Variants in ADISSP observed in about 807,000 individuals in gnomAD.
The protein encoded by ADISSP is adipose secreted signaling protein.
the ADISSP span, among the ~76,000 whole-genome samples, chr20:3,763,439 T>TC: frequency 7.9e-3 from 1,026 of 129,672 alleles, 5 homozygotes; most frequent in Middle Eastern, 0.057. Flanking sequence ...ATGCCTGTAA[T>TC]CCAGCTACTC....
the ADISSP span, among the ~76,000 whole-genome samples, chr20:3,755,085 C>T: frequency 6.6e-6 from 1 of 152,286 alleles, no homozygotes; most frequent in Non-Finnish European, 1.5e-5. Flanking sequence ...GCCTGAAACC[C>T]AAGGTCTGGG....
chr20:3,755,274 G>T, the ADISSP span, among the ~76,000 whole-genome samples: 2 of 152,160 alleles, frequency 1.3e-5, no homozygotes, highest in Non-Finnish European at 2.9e-5. Flanking sequence ...GGAAGTATGA[G>T]CTCATGGACT....
the ADISSP span, chr20:3,754,181 G>A: frequency 6.3e-7 from 1 of 1,593,350 alleles, no homozygotes; most frequent in Admixed American, 1.7e-5. Context: ...GTGCAAGTCA[G>A]TGCCATGCTG....
the ADISSP span, chr20:3,767,770 C>G: frequency 1.3e-5 from 2 of 152,184 alleles, no homozygotes; most frequent in South Asian, 2.1e-4. Flanking sequence ...GCGCCGCGGC[C>G]GCCCTCCCGT....
At chr20:3,755,529 G>A in the ADISSP span, 159 of 1,613,172 alleles carry the variant, frequency 9.9e-5, no homozygotes, top group Non-Finnish European at 1.3e-4. Flanking sequence ...GGTGCCTCGC[G>A]GACATCCTTG....
the ADISSP span, among the ~76,000 whole-genome samples, chr20:3,756,705 G>A: frequency 6.6e-6 from 1 of 152,174 alleles, no homozygotes; most frequent in Non-Finnish European, 1.5e-5. Context: ...GTGACCCTGT[G>A]ACCCAGGGGT....
chr20:3,759,492 T>A, the ADISSP span, among the ~76,000 whole-genome samples: 1 of 151,850 alleles, frequency 6.6e-6, no homozygotes, highest in African/African-American at 2.4e-5. This position sits in a 1 kb window ranked among gnomAD's most constrained non-coding sequence, Gnocchi z 4.6. Context: ...ACGGCCCTAG[T>A]CCTCTCTGAC....
chr20:3,767,775 TC>T, the ADISSP span: 1 of 152,284 alleles, frequency 6.6e-6, no homozygotes, highest in Non-Finnish European at 1.5e-5. Context: ...GCGGCCGCCC[TC>T]CCGTCGGCAC....
chr20:3,757,641 G>C, the ADISSP span, among the ~76,000 whole-genome samples: 1 of 151,884 alleles, frequency 6.6e-6, no homozygotes, highest in Non-Finnish European at 1.5e-5. Flanking sequence ...TTTTTTGTTT[G>C]TTTGTTTGAG....
chr20:3,766,357 T>C, the ADISSP span, among the ~76,000 whole-genome samples: 1 of 152,128 alleles, frequency 6.6e-6, no homozygotes, highest in East Asian at 1.9e-4. Context: ...TCAACTCAGC[T>C]TTAATGTGAT....
chr20:3,759,653 C>G, the ADISSP span, among the ~76,000 whole-genome samples: 2 of 152,072 alleles, frequency 1.3e-5, no homozygotes, highest in African/African-American at 4.8e-5. This position sits in a 1 kb window ranked among gnomAD's most constrained non-coding sequence, Gnocchi z 4.6. Flanking sequence ...CCACAGAACC[C>G]TCAAATCTCA....
the ADISSP span, chr20:3,759,968 CACAT>C: frequency 5.6e-6 from 8 of 1,435,604 alleles, no homozygotes; most frequent in Non-Finnish European, 6.5e-6. This position sits in a 1 kb window ranked among gnomAD's most constrained non-coding sequence, Gnocchi z 4.6. Flanking sequence ...CACGCACTCA[CACAT>C]GCACACACAC....
the ADISSP span, among the ~76,000 whole-genome samples, chr20:3,757,535 C>G: frequency 6.6e-6 from 1 of 151,998 alleles, no homozygotes; most frequent in East Asian, 1.9e-4. Flanking sequence ...TTGGTTTGTT[C>G]CATTTACTCT....
chr20:3,757,776 G>C, the ADISSP span, among the ~76,000 whole-genome samples: 2 of 152,108 alleles, frequency 1.3e-5, no homozygotes, highest in African/African-American at 2.4e-5. Flanking sequence ...CTACAGGCGT[G>C]CGCCACCACG....
At chr20:3,760,870 G>C in the ADISSP span, among the ~76,000 whole-genome samples, 4 of 152,204 alleles carry the variant, frequency 2.6e-5, no homozygotes, top group Non-Finnish European at 5.9e-5. Context: ...GCCTCCAATG[G>C]GCCGAGCTGG....
chr20:3,763,426 C>T, the ADISSP span, among the ~76,000 whole-genome samples: 5 of 146,540 alleles, frequency 3.4e-5, no homozygotes, highest in Middle Eastern at 3.9e-3. Flanking sequence ...GGCGTGGTGG[C>T]GCATGCCTGT....
At chr20:3,755,657 G>C in the ADISSP span, 2 of 1,539,820 alleles carry the variant, frequency 1.3e-6, no homozygotes, top group South Asian at 1.2e-5. Context: ...CCTGCTTCCC[G>C]CAGGCCCACC....
chr20:3,754,539 A>C, the ADISSP span: 1 of 1,603,456 alleles, frequency 6.2e-7, no homozygotes, highest in Non-Finnish European at 8.5e-7. Context: ...GACAGGGGCA[A>C]TTGGTCAGCA....
chr20:3,761,307 T>G, the ADISSP span, among the ~76,000 whole-genome samples: 1 of 151,096 alleles, frequency 6.6e-6, no homozygotes, highest in African/African-American at 2.4e-5. Flanking sequence ...CGCCCAAGCG[T>G]CACTGACAGA....
Sources: gnomAD v4.1 joint callset for allele counts (sites outside exome capture counted in the v4.1 genomes callset) on GRCh38, gnomAD v4.1.1 for gene constraint, Gnocchi (gnomAD v3.1) non-coding constraint, MANE v1.5 for transcripts, NCBI Gene and HGNC (gene_info 2026-07-23, HGNC 2026-07-21) for gene names.